Variants in HMCN1 observed in about 807,000 individuals in gnomAD.
HMCN1 encodes hemicentin 1, also known as hemicentin-1.
HMCN1 carries 321 observed loss-of-function variants against 625.9 expected under a neutral mutation model. The ratio of observed to expected loss-of-function variants is 0.51; its 90% confidence interval spans 0.47 to 0.56. The LOEUF (loss-of-function observed/expected upper bound fraction) is 0.56. HMCN1 is among the 20% of genes least tolerant of loss of function. The pLI, the probability that HMCN1 is intolerant of heterozygous loss-of-function variation, is 0.00. For missense variants in HMCN1, 6,588 were observed against 6,887.3 expected, an observed-to-expected ratio of 0.96 and a Z score of 1.54; for synonymous variants, 2,425 against 2,417.6, an observed-to-expected ratio of 1.00 and a Z score of -0.09.
At chr1:186,061,741 C>T (rs953314559) in intron 46 of HMCN1, 110 bp from the exon 47 acceptor site, 2 of 627,504 alleles carry the variant, frequency 3.2e-6, no homozygotes, top group Non-Finnish European at 5.6e-6. Context: ...TTTTAAGGGC[C>T]TCTAAAGCAT....
intron 1 of HMCN1, among the ~76,000 whole-genome samples, chr1:185,794,636 T>G (rs937475759): frequency 9.5e-5 from 14 of 147,978 alleles, no homozygotes; most frequent in African/African-American, 2.8e-4. Flanking sequence ...CTGCTTTATA[T>G]TCTAGCTGTG....
intron 103 of HMCN1, 102 bp from the exon 104 acceptor site, chr1:186,178,314 A>G (rs990246964): frequency 2.3e-6 from 2 of 865,998 alleles, no homozygotes; most frequent in African/African-American, 1.7e-5. Context: ...GGAGGGTAAC[A>G]ATGTCTTCAG....
rs1194487455 is a variant in HMCN1 at position 186,038,895 on chromosome 1, G to T, written c.5918G>T (p.Gly1973Val). The change falls in exon 38 of 107, where the codon GGA (glycine) becomes GTA (valine). Residue 1973 changes from glycine to valine, a missense_variant. Coordinates refer to ENST00000271588, the MANE Select transcript of HMCN1 (RefSeq NM_031935.3). Reference protein sequence around the residue: ...GSTSMTFLNRGQIIDIESAQI... With the variant: ...GSTSMTFLNRVQIIDIESAQI... ...ACCAGCATGACTTTCTTGAACAGAG[G>T]ACAGATCATTGATATTGAAAGTGCC... 2 of 1,603,208 alleles carry T rather than the reference G, an allele frequency of 1.2e-6. No individual in the cohort carries two copies.
chr1:186,122,944 A>G lies in HMCN1; in HGVS notation c.12230-7A>G, dbSNP rs2057388. On this transcript the variant is annotated splice_region_variant and splice_polypyrimidine_tract_variant and intron_variant, in intron 80 of 106. Transcript: ENST00000271588. The stretch of plus-strand genomic sequence containing the variant: ...AGTTTGAACTTTATATTTTTTGTAT[A>G]TTTTAGTTCCTCCAGTCATTAGCCC... 2 of 1,612,714 alleles carry G rather than the reference A, an allele frequency of 1.2e-6. No individual in the cohort carries two copies.
intron 4 of HMCN1, among the ~76,000 whole-genome samples, chr1:185,895,400 T>C (rs1345719815): frequency 6.6e-6 from 1 of 152,238 alleles, no homozygotes. Context: ...CTTGGCGATA[T>C]TCTTTCCTAC....
At position 186,053,919 on chromosome 1, in the gene HMCN1, A is replaced by G. The variant is rs576041088; in HGVS notation, c.6795A>G (p.Ala2265=). 1.8e-5 allele frequency: 29 copies of G among 1,612,720 alleles called. No individual in the cohort carries two copies. In the South Asian group the frequency reaches 3.1e-4, roughly 17 times the overall value. ...QISIAEKSDA[A]LYSCVASNVA... is the part of the protein sequence containing the mutation. ...CAATTGCTGAAAAGTCTGATGCAGCACTCTATTCATGTGTGGCGTCGAATG... is the reference window on the plus strand; with the variant it reads ...CAATTGCTGAAAAGTCTGATGCAGCGCTCTATTCATGTGTGGCGTCGAATG... The change falls in exon 44 of 107, where the codon GCA becomes GCG. Residue 2265 remains alanine (A), a synonymous_variant. Coordinates refer to ENST00000271588, the MANE Select transcript of HMCN1 (RefSeq NM_031935.3).
At chr1:186,095,823 A>C (rs1414055288) in intron 68 of HMCN1, among the ~76,000 whole-genome samples, 1 of 152,164 alleles carries the variant, frequency 6.6e-6, no homozygotes, top group Non-Finnish European at 1.5e-5. Flanking sequence ...AATTGAAAAC[A>C]CATCCGATTA....
chr1:185,869,925 T>C (rs562878098), intron 4 of HMCN1, among the ~76,000 whole-genome samples: 1 of 152,156 alleles, frequency 6.6e-6, no homozygotes, highest in East Asian at 1.9e-4. Context: ...AGTGTTATAT[T>C]TTACTCTCTT....
rs1651865609 is a variant in HMCN1 at position 185,984,289 on chromosome 1, A to C, written c.2911A>C (p.Lys971Gln). The change falls in exon 19 of 107, where the codon AAA becomes CAA. Residue 971 changes from lysine to glutamine, a missense_variant. Physicochemically the swap from Lys to Gln is moderately conservative, Grantham distance 53. This residue lies in a region of HMCN1 where 4,628 missense variants were observed against 4,853.1 expected (regional missense o/e 0.95). Transcript: ENST00000271588. ...VASNVAGTNN[K>Q]TTSVVVHVLP... is the part of the protein sequence containing the mutation. Reference sequence around the variant, plus strand: ...CAGTAACGTTGCTGGGACCAATAACAAAACTACCTCTGTGGTTGTGCATGG... The same window carrying C: ...CAGTAACGTTGCTGGGACCAATAACCAAACTACCTCTGTGGTTGTGCATGG... The C allele has an allele frequency of 6.2e-7, 1 of 1,613,984 alleles. No individual in the cohort carries two copies. The highest frequency in any genetic ancestry group is 1.7e-5 in the Admixed American group (1 of 60,002).
chr1:185,735,194 T>C (rs930453086), intron 1 of HMCN1, 147 bp downstream of exon 1: 1 of 961,376 alleles, frequency 1.0e-6, no homozygotes, highest in Non-Finnish European at 1.6e-6. Flanking sequence ...AATTACTTGC[T>C]GGCGTCTGGG....
chr1:186,131,709 G>A (rs1661943302), intron 85 of HMCN1, among the ~76,000 whole-genome samples: 1 of 152,100 alleles, frequency 6.6e-6, no homozygotes, highest in South Asian at 2.1e-4. Flanking sequence ...GACCTTCAGC[G>A]AAATCTGTGC....
intron 20 of HMCN1, among the ~76,000 whole-genome samples, chr1:185,988,379 G>A (rs1434039775): frequency 6.6e-6 from 1 of 152,194 alleles, no homozygotes; most frequent in Non-Finnish European, 1.5e-5. Context: ...CAAATACAAA[G>A]TAATGACATG....
At chr1:185,870,858 C>A (rs1422577094) in intron 4 of HMCN1, among the ~76,000 whole-genome samples, 1 of 152,174 alleles carries the variant, frequency 6.6e-6, no homozygotes, top group Non-Finnish European at 1.5e-5. Flanking sequence ...ATGTGCCCAA[C>A]CCCTTCGTAT....
intron 1 of HMCN1, among the ~76,000 whole-genome samples, chr1:185,784,070 G>T (rs760384577): frequency 1.3e-5 from 2 of 152,238 alleles, no homozygotes; most frequent in South Asian, 4.1e-4. Flanking sequence ...CCCTCCCCCC[G>T]CCTCGCTGCC....
intron 92 of HMCN1, 55 bp downstream of exon 92, chr1:186,145,628 A>G: frequency 6.2e-7 from 1 of 1,610,330 alleles, no homozygotes; most frequent in Non-Finnish European, 8.5e-7. Context: ...TTTAGTGCTC[A>G]TTGTAGCAGG....
chr1:185,937,566 T>G (rs938643320), intron 11 of HMCN1, among the ~76,000 whole-genome samples: 1 of 152,042 alleles, frequency 6.6e-6, no homozygotes, highest in Non-Finnish European at 1.5e-5. Flanking sequence ...AGGCAAGAAC[T>G]GGCTAAGATA....
intron 103 of HMCN1, among the ~76,000 whole-genome samples, chr1:186,175,323 G>A (rs1452261228): frequency 6.6e-6 from 1 of 152,116 alleles, no homozygotes; most frequent in African/African-American, 2.4e-5. Flanking sequence ...AATGTTGTGG[G>A]CTTTTAAATA....
rs540239689 is a variant in HMCN1, at chr1:185,957,832, G to A, written c.1829-4686G>A. Among the ~76,000 whole-genome samples the A allele has an allele frequency of 8.5e-5, 13 of 152,290 alleles. No homozygotes were observed. The Middle Eastern group carries it at 0.01, about 120-fold the overall frequency. On this transcript the variant is annotated intron_variant, in intron 11 of 106. Coordinates refer to ENST00000271588, the MANE Select transcript of HMCN1 (RefSeq NM_031935.3). ...TTTCTCAAGATGGTTGATGAAGTCAGTATTTAATGATGAGAATTACTTCAC... is the reference window on the plus strand; with the variant it reads ...TTTCTCAAGATGGTTGATGAAGTCAATATTTAATGATGAGAATTACTTCAC...
In HMCN1 at chr1:185,891,509, G is replaced by A. The variant is rs1030534692; in HGVS notation, c.622-17828G>A. Among the ~76,000 whole-genome samples the A allele has an allele frequency of 6.2e-4, 92 of 147,852 alleles. 5 individuals carry two copies. The highest frequency in any genetic ancestry group is 1.4e-3 in the African/African-American group (52 of 37,300). On this transcript the variant is annotated intron_variant, in intron 4 of 106. Transcript: ENST00000271588. The stretch of plus-strand genomic sequence containing the variant: ...GAGCTCTTTTAGGGCAGGCCTGGTC[G>A]TGACAAAATCTCTCAGCATTTGCTT...
Sources: allele counts gnomAD v4.1 joint callset (sites outside exome capture counted in the v4.1 genomes callset), GRCh38; gene constraint gnomAD v4.1.1; regional missense constraint gnomAD v4.1.1; transcripts MANE v1.5; gene names NCBI Gene and HGNC (gene_info 2026-07-23, HGNC 2026-07-21).